The following ARFIP1 variants were observed in gnomAD, a reference collection of about 807,000 sequenced individuals.
ARFIP1 encodes the protein ARF interacting protein 1.
A neutral mutation model predicts 42.5 loss-of-function variants in ARFIP1; 24 were observed. The ratio of observed to expected loss-of-function variants is 0.57; its 90% CI spans 0.41 to 0.80. The LOEUF is 0.80. Among genes scored for constraint, ARFIP1 ranks in the 30% least tolerant of loss-of-function variants. The pLI is 0.00. For missense variants in ARFIP1, 354 were observed against 434.0 expected, an observed-to-expected ratio of 0.82 and a Z score of 1.64; for synonymous variants, 141 against 153.7, an observed-to-expected ratio of 0.92 and a Z score of 0.61.
At chr4:152,862,654 C>A (rs1357228905) in intron 2 of ARFIP1, among the ~76,000 whole-genome samples, 1 of 152,140 alleles carries the variant, frequency 6.6e-6, no homozygotes, top group Non-Finnish European at 1.5e-5. Flanking sequence ...TTACTTTTAA[C>A]TTGTCATAGC....
chr4:152,875,366 T>TA (rs1172860219), intron 5 of ARFIP1, among the ~76,000 whole-genome samples: 1 of 146,514 alleles, frequency 6.8e-6, no homozygotes, highest in African/African-American at 2.6e-5. Flanking sequence ...TTTTGAAGTT[T>TA]GTCTTTTTTT....
intron 2 of ARFIP1, among the ~76,000 whole-genome samples, chr4:152,858,265 C>T (rs1239650921): frequency 6.6e-6 from 1 of 152,116 alleles, no homozygotes; most frequent in Admixed American, 6.5e-5. Context: ...GCACTCCAGC[C>T]TGGGTGATAG....
At chr4:152,817,741 A>G (rs1208091958) in intron 1 of ARFIP1, among the ~76,000 whole-genome samples, 3 of 152,358 alleles carry the variant, frequency 2.0e-5, no homozygotes, top group East Asian at 3.9e-4. Context: ...AAGGACTTGT[A>G]TAACTCAACA....
intron 1 of ARFIP1, among the ~76,000 whole-genome samples, chr4:152,781,428 G>A (rs1019156985): frequency 1.3e-5 from 2 of 151,812 alleles, no homozygotes; most frequent in Admixed American, 1.3e-4. Context: ...GTAGAGACGG[G>A]GTTTCACCGT....
intron 1 of ARFIP1, among the ~76,000 whole-genome samples, chr4:152,783,523 A>G (rs1456851772): frequency 6.6e-6 from 1 of 152,186 alleles, no homozygotes; most frequent in Non-Finnish European, 1.5e-5. Flanking sequence ...AATAAAGCTG[A>G]ATGATTAACT....
At chr4:152,792,002 A>C (rs932846943) in intron 1 of ARFIP1, among the ~76,000 whole-genome samples, 3 of 152,190 alleles carry the variant, frequency 2.0e-5, no homozygotes, top group Non-Finnish European at 4.4e-5. Context: ...TCCATGAATG[A>C]GAAAAGATGG....
chr4:152,866,518 C>A (rs1321751241), intron 3 of ARFIP1, among the ~76,000 whole-genome samples: 1 of 149,898 alleles, frequency 6.7e-6, no homozygotes, highest in African/African-American at 2.5e-5. Flanking sequence ...ACCTCCCTCC[C>A]GGACGGGGCG....
At chr4:152,876,655 C>T (rs913070757) in intron 5 of ARFIP1, among the ~76,000 whole-genome samples, 2 of 152,212 alleles carry the variant, frequency 1.3e-5, no homozygotes, top group African/African-American at 4.8e-5. Flanking sequence ...TGTTAATTGC[C>T]AAGATGATGG....
intron 2 of ARFIP1, 150 bp downstream of exon 2, chr4:152,829,876 A>G: frequency 3.6e-6 from 2 of 557,490 alleles, no homozygotes; most frequent in Non-Finnish European, 5.8e-6. Context: ...GATGACAAGG[A>G]AGGCCATTTT....
At chr4:152,815,738 C>CTTTTTTTTTT (rs1218298842) in intron 1 of ARFIP1, among the ~76,000 whole-genome samples, 2 of 85,548 alleles carry the variant, frequency 2.3e-5, no homozygotes, top group Admixed American at 1.6e-4. Flanking sequence ...CTGACCACTT[C>CTTTTTTTTTT]TTTTTTTTTT....
At position 152,888,114 on chromosome 4, in the gene ARFIP1, C is replaced by T; in HGVS notation, c.792-19C>T. 1 of 1,580,374 alleles carries T rather than the reference C, an allele frequency of 6.3e-7. No individual in the cohort carries two copies. The highest frequency in any genetic ancestry group is 8.6e-7 in the Non-Finnish European group (1 of 1,165,988). On this transcript the variant is annotated intron_variant, in intron 7 of 8. Coordinates refer to ENST00000353617, the MANE Select transcript of ARFIP1 (RefSeq NM_001025595.3). ...TTTACTGTTCTTGTAGTATGCTTCA[C>T]TTACTCTCTTCTTTCCAGGATTGAA... is the stretch of plus-strand genomic sequence containing the variant.
At chr4:152,894,647 G>A (rs985527432) in intron 8 of ARFIP1, among the ~76,000 whole-genome samples, 2 of 152,178 alleles carry the variant, frequency 1.3e-5, no homozygotes, top group African/African-American at 2.4e-5. Flanking sequence ...ATGGATTGAT[G>A]TCTGTAAGCA....
chr4:152,783,159 A>G (rs1578787718), intron 1 of ARFIP1, among the ~76,000 whole-genome samples: 1 of 152,130 alleles, frequency 6.6e-6, no homozygotes, highest in Admixed American at 6.5e-5. Flanking sequence ...AAATAAAAAA[A>G]TTAGCCGGGT....
chr4:152,796,635 A>G (rs1410113772), intron 1 of ARFIP1: 4 of 883,906 alleles, frequency 4.5e-6, no homozygotes, highest in East Asian at 2.4e-5. Context: ...TTCTCTTTTC[A>G]TGCATCTTGA....
intron 1 of ARFIP1, among the ~76,000 whole-genome samples, chr4:152,812,622 C>G (rs1729559918): frequency 6.6e-6 from 1 of 152,238 alleles, no homozygotes; most frequent in South Asian, 2.1e-4. Flanking sequence ...TCTAGACTTG[C>G]ATTTTGAAAT....
intron 2 of ARFIP1, among the ~76,000 whole-genome samples, chr4:152,857,122 C>CT (rs1359498633): frequency 6.6e-6 from 1 of 152,130 alleles, no homozygotes; most frequent in African/African-American, 2.4e-5. Context: ...TTTTGACTCT[C>CT]TAAGTGTTCT....
At chr4:152,904,565 C>T (rs771657650) in intron 8 of ARFIP1, among the ~76,000 whole-genome samples, 2 of 152,102 alleles carry the variant, frequency 1.3e-5, no homozygotes, top group Non-Finnish European at 2.9e-5. Context: ...AACCCCCCGA[C>T]AGGCCCCAGT....
chr4:152,783,274 C>T (rs1387443048), intron 1 of ARFIP1, among the ~76,000 whole-genome samples: 2 of 152,332 alleles, frequency 1.3e-5, no homozygotes, highest in East Asian at 3.9e-4. Flanking sequence ...CCCACCACTT[C>T]ACTCCAGCCT....
chr4:152,812,441 C>G (rs1023515492), intron 1 of ARFIP1, among the ~76,000 whole-genome samples: 1 of 152,226 alleles, frequency 6.6e-6, no homozygotes, highest in African/African-American at 2.4e-5. Flanking sequence ...CATTCTCCCT[C>G]CTGGCCTCCC....
Sources: allele counts gnomAD v4.1 joint callset (sites outside exome capture counted in the v4.1 genomes callset), GRCh38; gene constraint gnomAD v4.1.1; transcripts MANE v1.5; gene names NCBI Gene and HGNC (gene_info 2026-07-23, HGNC 2026-07-21).